GRID1: variants seen among roughly 807,000 people sequenced by gnomAD.
The protein encoded by GRID1 is glutamate receptor ionotropic, delta-1.
GRID1 carries 28 observed loss-of-function variants against 98.0 expected under a neutral mutation model. The ratio of observed to expected loss-of-function variants is 0.29; its 90% confidence interval spans 0.21 to 0.39. GRID1 has a LOEUF of 0.39. Ranked by LOEUF, GRID1 falls within the 10% of genes least tolerant of loss-of-function variation. GRID1 has a pLI of 1.00. For synonymous variants in GRID1, 553 were observed against 538.5 expected (o/e 1.03, Z -0.37); for missense variants, 1,111 against 1,340.5 (o/e 0.83, Z 2.67).
intron 8 of GRID1, among the ~76,000 whole-genome samples, chr10:85,833,533 A>G (rs946361437): frequency 6.6e-6 from 1 of 152,154 alleles, no homozygotes; most frequent in Non-Finnish European, 1.5e-5. Context: ...ACAAAAAAAA[A>G]AAAAAAAGAT....
In GRID1 at chr10:86,319,036, T is replaced by C. The variant is rs553139431; in HGVS notation, c.235+44905A>G. The stretch of plus-strand genomic sequence containing the variant: ...AGGTAGAAGGGAAGCCATTTGAATG[T>C]CCCAGAAAGGGCGTTCAGGGTGGGG... On this transcript the variant is annotated intron_variant, in intron 2 of 15. Coordinates refer to ENST00000327946, the MANE Select transcript of GRID1 (RefSeq NM_017551.3). Among the ~76,000 whole-genome samples, 78 of 152,166 alleles carry C rather than the reference T, an allele frequency of 5.1e-4. 2 individuals carry two copies. Among genetic ancestry groups the C allele is most frequent in the Non-Finnish European group, 2.6e-4 (18 of 67,988 alleles).
At chr10:85,750,039 C>T (rs547200661) in intron 8 of GRID1, among the ~76,000 whole-genome samples, 37 of 152,244 alleles carry the variant, frequency 2.4e-4, no homozygotes, top group African/African-American at 8.7e-4. Flanking sequence ...ATTGTTTGAC[C>T]TATTTTCAGC....
intron 12 of GRID1, among the ~76,000 whole-genome samples, chr10:85,672,158 G>T (rs1841093559): frequency 6.6e-6 from 1 of 152,174 alleles, no homozygotes; most frequent in Admixed American, 6.5e-5. Context: ...AGATGCAATG[G>T]CCTTCTATTG....
At chr10:86,038,471 G>GGTGACTAATGGGACAAC (rs1252236772) in intron 4 of GRID1, among the ~76,000 whole-genome samples, 1 of 152,224 alleles carries the variant, frequency 6.6e-6, no homozygotes, top group Non-Finnish European at 1.5e-5. Context: ...AATGGGACAA[G>GGTGACTAATGGGACAAC]GGGACTTAGC....
chr10:86,296,568 G>A (rs1466651304), intron 2 of GRID1, among the ~76,000 whole-genome samples: 3 of 151,964 alleles, frequency 2.0e-5, no homozygotes, highest in East Asian at 1.9e-4. Flanking sequence ...GTGAAACCCC[G>A]TCTCTACTAA....
intron 2 of GRID1, among the ~76,000 whole-genome samples, chr10:86,301,296 C>T (rs573569156): frequency 7.2e-5 from 11 of 152,244 alleles, no homozygotes; most frequent in African/African-American, 2.7e-4. Context: ...TCAGGTTGCA[C>T]TGAAGAAACA....
At chr10:85,695,272 C>T (rs1354142849) in intron 12 of GRID1, among the ~76,000 whole-genome samples, 1 of 152,136 alleles carries the variant, frequency 6.6e-6, no homozygotes, top group Non-Finnish European at 1.5e-5. Flanking sequence ...GGACTCAATG[C>T]CCTTGATGTT....
At chr10:85,760,710 A>G (rs1307197930) in intron 8 of GRID1, among the ~76,000 whole-genome samples, 1 of 152,180 alleles carries the variant, frequency 6.6e-6, no homozygotes, top group Non-Finnish European at 1.5e-5. Context: ...TCTCAAGCAC[A>G]ATTTCCTCAA....
chr10:85,853,190 A>T (rs1414994128), intron 8 of GRID1, among the ~76,000 whole-genome samples: 2 of 151,874 alleles, frequency 1.3e-5, no homozygotes, highest in Non-Finnish European at 2.9e-5. Context: ...CCACCAGTCC[A>T]CACATGCATC....
chr10:86,262,415 C>G (rs1302823516), intron 2 of GRID1, among the ~76,000 whole-genome samples: 2 of 152,208 alleles, frequency 1.3e-5, no homozygotes, highest in African/African-American at 2.4e-5. Flanking sequence ...GAAGAGCTTG[C>G]GTCCTTCAGT....
chr10:86,097,970 T>C (rs182285908), intron 4 of GRID1, among the ~76,000 whole-genome samples: 1 of 151,802 alleles, frequency 6.6e-6, no homozygotes, highest in Admixed American at 6.6e-5. Context: ...TACAATCGAG[T>C]GGTTATTTTC....
At chr10:86,353,665 T>A (rs73342266) in intron 2 of GRID1, among the ~76,000 whole-genome samples, 2,072 of 152,238 alleles carry the variant, frequency 0.014, 39 homozygotes, top group African/African-American at 0.043. Flanking sequence ...CCAGCTCCAG[T>A]TGGGGTTCTG....
In GRID1 at chr10:86,258,947, A is replaced by C. The variant is rs142233385; in HGVS notation, c.236-52299T>G. Among the ~76,000 whole-genome samples the C allele has an allele frequency of 9.3e-4, 141 of 152,392 alleles. 1 individual carries two copies. Among genetic ancestry groups the C allele is most frequent in the African/African-American group, 3.2e-3 (132 of 41,602 alleles). Reference sequence around the variant, plus strand: ...AAAAATTCCTGGAACTGAACGAAGAACTGAGATTAGAAATCAAAAGGACAA... The same window carrying C: ...AAAAATTCCTGGAACTGAACGAAGACCTGAGATTAGAAATCAAAAGGACAA... On this transcript the variant is annotated intron_variant, in intron 2 of 15. Coordinates refer to ENST00000327946, the MANE Select transcript of GRID1 (RefSeq NM_017551.3).
At chr10:85,711,218 GCAATC>G (rs563965941) in intron 12 of GRID1, among the ~76,000 whole-genome samples, 306 of 152,016 alleles carry the variant, frequency 2.0e-3, no homozygotes, top group Middle Eastern at 3.4e-3. Flanking sequence ...AAATGTGAAA[GCAATC>G]CAAGATTCCA....
chr10:86,063,640 T>TAGAAATAAAAA (rs1395698906), intron 4 of GRID1, among the ~76,000 whole-genome samples: 15 of 152,210 alleles, frequency 9.9e-5, no homozygotes, highest in Admixed American at 9.8e-4. Context: ...TTGCAGCTTT[T>TAGAAATAAAAA]AGAAATAAAA....
chr10:85,829,289 T>C (rs1325315781), intron 8 of GRID1, among the ~76,000 whole-genome samples: 8 of 151,766 alleles, frequency 5.3e-5, no homozygotes, highest in Non-Finnish European at 1.0e-4. Context: ...AACTAGGCAT[T>C]AAAATAACAT....
chr10:86,335,593 C>T (rs770148260), intron 2 of GRID1, among the ~76,000 whole-genome samples: 6 of 152,222 alleles, frequency 3.9e-5, no homozygotes, highest in Non-Finnish European at 7.3e-5. Flanking sequence ...CTGCTCTATT[C>T]TTCCCCAGCC....
chr10:85,991,457 C>T (rs923573083), intron 4 of GRID1, among the ~76,000 whole-genome samples: 1 of 151,702 alleles, frequency 6.6e-6, no homozygotes, highest in Admixed American at 6.6e-5. Context: ...GTACTTGAAG[C>T]CATTGGTGGA....
At chr10:86,112,309 CCAGTCA>C (rs1844501121) in intron 4 of GRID1, among the ~76,000 whole-genome samples, 1 of 152,168 alleles carries the variant, frequency 6.6e-6, no homozygotes, top group South Asian at 2.1e-4. Context: ...ATCTCATTGG[CCAGTCA>C]CAGGGATATG....
Sources: gnomAD v4.1 joint callset for allele counts (sites outside exome capture counted in the v4.1 genomes callset) on GRCh38, gnomAD v4.1.1 for gene constraint, MANE v1.5 for transcripts, NCBI Gene and HGNC (gene_info 2026-07-23, HGNC 2026-07-21) for gene names.